The following GIGYF2 variants were observed in gnomAD, a reference collection of about 807,000 sequenced individuals.
GIGYF2 encodes the protein GRB10-interacting GYF protein 2.
Under a neutral mutation model 208.1 loss-of-function variants are expected in GIGYF2, and 25 were observed. That is an observed-to-expected ratio of 0.12 (90% CI 0.09 to 0.17). GIGYF2 has a LOEUF of 0.17. Ranked by LOEUF, GIGYF2 falls within the 10% of genes least tolerant of loss-of-function variation. The pLI is 1.00. For missense variants in GIGYF2, 1,302 were observed against 1,579.4 expected, an observed-to-expected ratio of 0.82 and a Z score of 2.98; for synonymous variants, 534 against 543.8, an observed-to-expected ratio of 0.98 and a Z score of 0.25.
chr2:232,729,987 C>A, intron 2 of GIGYF2: 1 of 734,200 alleles, frequency 1.4e-6, no homozygotes, highest in South Asian at 1.5e-5. Flanking sequence ...CTTCTTCACT[C>A]CTGGAAGGCT....
chr2:232,754,173 G>GAAA (rs1262026632), intron 5 of GIGYF2, among the ~76,000 whole-genome samples: 1 of 126,174 alleles, frequency 7.9e-6, no homozygotes, highest in Admixed American at 8.0e-5. Flanking sequence ...TCAAAAAAAA[G>GAAA]AAAAAAAAAA....
Position 232,857,266 on chromosome 2 carries a change from G to T in GIGYF2, c.*406G>T. ...TTCTTCTTCTTTTTCCCCCCATCAG[G>T]GCAAATGGTCTAACTGGTGCAATCA... On this transcript the variant is annotated 3_prime_UTR_variant, in exon 29 of 29. Coordinates refer to ENST00000373563, the MANE Select transcript of GIGYF2 (RefSeq NM_001103146.3). The T allele has an allele frequency of 3.3e-6, 1 of 306,194 alleles. No individual in the cohort carries two copies. The highest frequency in any genetic ancestry group is 4.8e-5 in the Admixed American group (1 of 20,958). 19.0% of individuals were successfully genotyped at this position (306,194 alleles called of 1,614,324 possible). A position where few individuals can be genotyped will look rare whatever the true frequency, so the allele number is the denominator to read the frequency against.
At chr2:232,783,445 C>G (rs1574879150) in intron 8 of GIGYF2, among the ~76,000 whole-genome samples, 1 of 151,730 alleles carries the variant, frequency 6.6e-6, no homozygotes, top group East Asian at 1.9e-4. Flanking sequence ...CACACCTTGA[C>G]TAGTGAAGAC....
chr2:232,823,444 C>T (rs546058670), intron 21 of GIGYF2, among the ~76,000 whole-genome samples: 1 of 150,894 alleles, frequency 6.6e-6, no homozygotes, highest in East Asian at 2.0e-4. Context: ...CCTCAACCTA[C>T]CATGCTCAGT....
chr2:232,772,669 A>T (rs1458736118), intron 8 of GIGYF2, among the ~76,000 whole-genome samples: 4 of 152,200 alleles, frequency 2.6e-5, no homozygotes, highest in Non-Finnish European at 4.4e-5. Context: ...CAGGAAATGC[A>T]GCTTTGCTTC....
In GIGYF2 at chr2:232,833,023, G is replaced by GGCA. The variant is rs745944590; in HGVS notation, c.2706_2708dup (p.Gln903dup). 6.4e-7 allele frequency: 1 copy of GGCA among 1,565,952 alleles called. No homozygotes were observed. The highest frequency in any genetic ancestry group is 8.7e-7 in the Non-Finnish European group (1 of 1,154,940). On this transcript the variant is annotated inframe_insertion, in exon 22 of 29. Transcript: ENST00000373563. ...CGGCAGAAGGAGTTAATGCGCCAGAGGCAGCAGCAGCAAGAGGCTCTCCGG... is the reference window on the plus strand; with the variant it reads ...CGGCAGAAGGAGTTAATGCGCCAGAGGCAGCAGCAGCAGCAAGAGGCTCTCCGG...
intron 8 of GIGYF2, among the ~76,000 whole-genome samples, chr2:232,773,334 A>G (rs1413102172): frequency 2.0e-5 from 3 of 152,178 alleles, no homozygotes; most frequent in Admixed American, 2.0e-4. Flanking sequence ...TCAGTATCTC[A>G]ACAAGATAGC....
rs946248657 is a variant in GIGYF2, at chr2:232,806,005, G to A, written c.1640-486G>A. On this transcript the variant is annotated intron_variant, in intron 14 of 28. Transcript: ENST00000373563. This position sits in a 1 kb window ranked among gnomAD's most constrained non-coding sequence, Gnocchi z 4.0. Reference sequence around the variant, plus strand: ...ATTATTTCATATTATAAAACATTTAGAGAATACTCGTTTTTTCCCCACTAC... The same window carrying A: ...ATTATTTCATATTATAAAACATTTAAAGAATACTCGTTTTTTCCCCACTAC... Among the ~76,000 whole-genome samples the A allele has an allele frequency of 9.9e-6, 1 of 101,448 alleles. No individual in the cohort carries two copies. Among genetic ancestry groups the A allele is most frequent in the Admixed American group, 1.1e-4 (1 of 9,014 alleles). The allele number at this position is 101,448 out of a possible 152,430, so 66.6% of individuals were successfully genotyped here.
At chr2:232,731,867 T>G (rs1697511240) in intron 2 of GIGYF2, among the ~76,000 whole-genome samples, 1 of 139,212 alleles carries the variant, frequency 7.2e-6, no homozygotes, top group Non-Finnish European at 1.6e-5. Context: ...CTTGTTAGAA[T>G]TATTTTATAT....
At chr2:232,730,257 C>A in intron 2 of GIGYF2, 1 of 826,440 alleles carries the variant, frequency 1.2e-6, no homozygotes, top group South Asian at 1.6e-5. Context: ...TGTGGGCACC[C>A]TGTGCTGAAA....
Position 232,832,883 on chromosome 2 carries a change from G to C in GIGYF2, c.2556G>C (p.Arg852=). The C allele has an allele frequency of 6.4e-7, 1 of 1,557,638 alleles. No homozygotes were observed. The highest frequency in any genetic ancestry group is 1.7e-4 in the Middle Eastern group (1 of 5,918). ...KQEEEAAKWA[R]EEEEAQRRLE... Reference sequence around the variant, plus strand: ...AAGAGGAGGCTGCAAAATGGGCCCGGGAAGAAGAAGAAGCCCAGCGTCGAT... The same window carrying C: ...AAGAGGAGGCTGCAAAATGGGCCCGCGAAGAAGAAGAAGCCCAGCGTCGAT... The change falls in exon 22 of 29, where the codon CGG becomes CGC. Residue 852 remains arginine (R), a synonymous_variant. Transcript: ENST00000373563.
At chr2:232,712,642 C>T (rs761511421) in intron 2 of GIGYF2, among the ~76,000 whole-genome samples, 1 of 152,108 alleles carries the variant, frequency 6.6e-6, no homozygotes, top group Non-Finnish European at 1.5e-5. Flanking sequence ...AGAAGATTCT[C>T]AAACTAGCAA....
chr2:232,836,340 ACTTATATATT>A (rs1701627111), intron 22 of GIGYF2, among the ~76,000 whole-genome samples: 3 of 39,440 alleles, frequency 7.6e-5, no homozygotes, highest in Admixed American at 8.2e-4. Context: ...ACATATATAT[ACTTATATATT>A]TATATATATA....
chr2:232,846,924 C>T (rs1192213925), intron 26 of GIGYF2, among the ~76,000 whole-genome samples: 1 of 152,188 alleles, frequency 6.6e-6, no homozygotes, highest in African/African-American at 2.4e-5. Flanking sequence ...TTACATTTTC[C>T]ATTTGATTTC....
chr2:232,739,220 T>C (rs1007562473), intron 3 of GIGYF2, among the ~76,000 whole-genome samples: 3 of 151,582 alleles, frequency 2.0e-5, no homozygotes, highest in Non-Finnish European at 2.9e-5. Flanking sequence ...TAGCCGGGCG[T>C]GGTGGATTGT....
rs1698742521 is a variant in GIGYF2, at chr2:232,761,605, A to G, written c.532+169A>G. 1.6e-5 allele frequency: 9 copies of G among 563,504 alleles called. No homozygotes were observed. The South Asian group carries it at 1.9e-4, about 12-fold the overall frequency. 34.9% of individuals were successfully genotyped at this position (563,504 alleles called of 1,614,324 possible). A position where few individuals can be genotyped will look rare whatever the true frequency, so the allele number is the denominator to read the frequency against. On this transcript the variant is annotated intron_variant, in intron 8 of 28. Coordinates refer to ENST00000373563, the MANE Select transcript of GIGYF2 (RefSeq NM_001103146.3). The stretch of plus-strand genomic sequence containing the variant: ...ATGATGAATACAGCCATTAGGATTT[A>G]CTTGACTTGGTCTGTGTGTTCTCTG...
Position 232,776,576 on chromosome 2 carries a change from C to T in GIGYF2, c.533-10574C>T, listed in dbSNP as rs1047895536. ...TTCTCTTCTTGGACTGGTTTTACAGCTTACATTCCTCTGTTTATAATGTTG... is the reference window on the plus strand; with the variant it reads ...TTCTCTTCTTGGACTGGTTTTACAGTTTACATTCCTCTGTTTATAATGTTG... On this transcript the variant is annotated intron_variant, in intron 8 of 28. Transcript: ENST00000373563. 1.1e-5 allele frequency: 8 copies of T among 737,090 alleles called. No individual in the cohort carries two copies. The African/African-American group carries it at 1.4e-4, about 13-fold the overall frequency. 45.7% of individuals were successfully genotyped at this position (737,090 alleles called of 1,614,324 possible).
At chr2:232,780,365 C>T (rs73102257) in intron 8 of GIGYF2, among the ~76,000 whole-genome samples, 11,942 of 152,116 alleles carry the variant, frequency 0.079, 601 homozygotes, top group East Asian at 0.17. Context: ...ATATGTAGTA[C>T]GTATGTATTT....
chr2:232,822,613 G>A (rs535553688), intron 21 of GIGYF2, among the ~76,000 whole-genome samples: 6 of 152,234 alleles, frequency 3.9e-5, no homozygotes, highest in African/African-American at 9.6e-5. Flanking sequence ...CGCGGGAGGC[G>A]GAGGTTGCAG....
Sources: gnomAD v4.1 joint callset for allele counts (sites outside exome capture counted in the v4.1 genomes callset) on GRCh38, gnomAD v4.1.1 for gene constraint, Gnocchi (gnomAD v3.1) non-coding constraint, MANE v1.5 for transcripts, NCBI Gene and HGNC (gene_info 2026-07-23, HGNC 2026-07-21) for gene names.